The following IFNLR1 variants were observed in gnomAD, a reference collection of about 807,000 sequenced individuals.
IFNLR1 encodes interferon lambda receptor 1.
A neutral mutation model predicts 52.5 loss-of-function variants in IFNLR1; 28 were observed. That is an observed-to-expected ratio of 0.53 (90% CI 0.40 to 0.73). IFNLR1 has a LOEUF of 0.73. Ranked by LOEUF, IFNLR1 falls within the 30% of genes least tolerant of loss-of-function variation. IFNLR1 has a pLI of 0.00. For missense variants in IFNLR1, 623 were observed against 659.1 expected, an observed-to-expected ratio of 0.95 and a Z score of 0.60; for synonymous variants, 276 against 274.9, an observed-to-expected ratio of 1.00 and a Z score of -0.04.
At chr1:24,172,260 T>C (rs761797454) in intron 2 of IFNLR1, among the ~76,000 whole-genome samples, 28 of 151,994 alleles carry the variant, frequency 1.8e-4, no homozygotes, top group Non-Finnish European at 4.0e-4. Context: ...ATACTTATAA[T>C]AGAAAATAAG....
intron 1 of IFNLR1, among the ~76,000 whole-genome samples, chr1:24,182,717 C>T (rs1644703235): frequency 6.6e-6 from 1 of 151,962 alleles, no homozygotes; most frequent in African/African-American, 2.4e-5. Context: ...GTCAGGAGTT[C>T]GAGACCAGCC....
chr1:24,156,828 T>C lies in IFNLR1; in HGVS notation c.*302A>G. 2.5e-6 allele frequency: 1 copy of C among 397,284 alleles called. No individual in the cohort carries two copies. Among genetic ancestry groups the C allele is most frequent in the Middle Eastern group, 6.7e-4 (1 of 1,486 alleles). 24.6% of individuals were successfully genotyped at this position (397,284 alleles called of 1,614,324 possible). On this transcript the variant is annotated 3_prime_UTR_variant, in exon 7 of 7. Coordinates refer to ENST00000327535, the MANE Select transcript of IFNLR1 (RefSeq NM_170743.4). The stretch of plus-strand genomic sequence containing the variant: ...CCTGTTTCATGTTGTCCGGGGATAA[T>C]TTTTCCCCCTGGCCTGTCACCCTAG...
intron 4 of IFNLR1, 93 bp from the exon 5 acceptor site, chr1:24,159,726 G>GTTTTGTTTTTATTGTTT: frequency 1.3e-6 from 1 of 761,910 alleles, no homozygotes; most frequent in East Asian, 3.1e-5. Context: ...ATGGTAGGGT[G>GTTTTGTTTTTATTGTTT]TTTTTTTTTT....
chr1:24,166,402 C>T (rs1644520398), intron 3 of IFNLR1, among the ~76,000 whole-genome samples: 1 of 152,110 alleles, frequency 6.6e-6, no homozygotes, highest in Admixed American at 6.6e-5. Flanking sequence ...ACACATCCTT[C>T]CTTCTTGTCT....
intron 1 of IFNLR1, 60 bp downstream of exon 1, chr1:24,187,131 A>G (rs1353981241): frequency 2.6e-6 from 3 of 1,149,778 alleles, no homozygotes; most frequent in South Asian, 1.8e-5. Flanking sequence ...GTCCGAGGGT[A>G]GGCGCGGCCC....
At chr1:24,158,296 G>C (rs1018084722) in intron 6 of IFNLR1, among the ~76,000 whole-genome samples, 1 of 152,246 alleles carries the variant, frequency 6.6e-6, no homozygotes, top group African/African-American at 2.4e-5. Flanking sequence ...ATTGGGTGCA[G>C]GCGCTGGGAG....
chr1:24,179,284 T>G (rs967624276), intron 2 of IFNLR1, among the ~76,000 whole-genome samples: 1 of 152,114 alleles, frequency 6.6e-6, no homozygotes, highest in Non-Finnish European at 1.5e-5. Flanking sequence ...CCTTAATAAA[T>G]TTATTCCAGC....
chr1:24,170,182 G>T (rs1644565371), intron 2 of IFNLR1, among the ~76,000 whole-genome samples: 1 of 152,208 alleles, frequency 6.6e-6, no homozygotes, highest in African/African-American at 2.4e-5. Flanking sequence ...CCAGAACGGA[G>T]TCAGGTGCCA....
intron 2 of IFNLR1, among the ~76,000 whole-genome samples, chr1:24,172,751 C>T (rs1369618743): frequency 6.6e-6 from 1 of 152,124 alleles, no homozygotes; most frequent in Non-Finnish European, 1.5e-5. Context: ...CATGGTAAGA[C>T]ACCACAGGCA....
chr1:24,173,774 G>A (rs778478741), intron 2 of IFNLR1, among the ~76,000 whole-genome samples: 4 of 152,000 alleles, frequency 2.6e-5, no homozygotes, highest in Non-Finnish European at 4.4e-5. Context: ...TCAGCCTCCT[G>A]AGATGGCAGG....
At chr1:24,159,967 C>T (rs900561948) in intron 4 of IFNLR1, among the ~76,000 whole-genome samples, 5 of 152,042 alleles carry the variant, frequency 3.3e-5, no homozygotes, top group African/African-American at 7.2e-5. Context: ...AGGCTGGTCT[C>T]GAACTCCCAG....
rs1204252198 is a variant in IFNLR1 at position 24,156,267 on chromosome 1, C to G, written c.*863G>C. 1.3e-5 allele frequency: 2 copies of G among 152,222 alleles called. No individual in the cohort carries two copies. Among genetic ancestry groups the G allele is most frequent in the African/African-American group, 4.8e-5 (2 of 41,408 alleles). 9.4% of individuals were successfully genotyped at this position (152,222 alleles called of 1,614,324 possible). On this transcript the variant is annotated 3_prime_UTR_variant, in exon 7 of 7. Coordinates refer to ENST00000327535, the MANE Select transcript of IFNLR1 (RefSeq NM_170743.4). ...TGAGACAAGCTGAATGTTAAGTGCT[C>G]TCAGTCACTCTGGGTTTAGGGGCCA...
At chr1:24,163,259 T>A (rs1163265691) in intron 3 of IFNLR1, among the ~76,000 whole-genome samples, 1 of 152,104 alleles carries the variant, frequency 6.6e-6, no homozygotes, top group African/African-American at 2.4e-5. Context: ...ACTCACTTTT[T>A]AACAATCCAT....
At position 24,174,726 on chromosome 1, in the gene IFNLR1, C is replaced by T. The variant is rs185225942; in HGVS notation, c.183-5125G>A. 2.5e-3 allele frequency among the ~76,000 whole-genome samples: 381 copies of T among 152,220 alleles called. 8 individuals carry two copies. Among genetic ancestry groups the T allele is most frequent in the Non-Finnish European group, 6.9e-4 (47 of 67,998 alleles). Reference sequence around the variant, plus strand: ...CTTGGATGCTTAGCAGAAGAGATTTCTAAGCAAAGTGCTGAAGGTACAACC... The same window carrying T: ...CTTGGATGCTTAGCAGAAGAGATTTTTAAGCAAAGTGCTGAAGGTACAACC... On this transcript the variant is annotated intron_variant, in intron 2 of 6. Coordinates refer to ENST00000327535, the MANE Select transcript of IFNLR1 (RefSeq NM_170743.4).
intron 2 of IFNLR1, among the ~76,000 whole-genome samples, chr1:24,171,130 T>C (rs1644574154): frequency 6.6e-6 from 1 of 152,216 alleles, no homozygotes; most frequent in Admixed American, 6.5e-5. Flanking sequence ...TATGTGTGCC[T>C]ACTAAACAAC....
rs1356518878 is a variant in IFNLR1 at position 24,187,182 on chromosome 1, C to T, written c.58+9G>A. The T allele has an allele frequency of 4.4e-6, 6 of 1,362,206 alleles. No individual in the cohort carries two copies. The East Asian group carries it at 1.9e-4, about 42-fold the overall frequency. 84.4% of individuals were successfully genotyped at this position (1,362,206 alleles called of 1,614,324 possible). A position where few individuals can be genotyped will look rare whatever the true frequency, so the allele number is the denominator to read the frequency against. On this transcript the variant is annotated intron_variant, in intron 1 of 6. Transcript: ENST00000327535. ...CTTCCCCCTCCCTCCCGCGGCCCCG[C>T]GCCCTTACCTGGAGCGGCCTGCAGC...
intron 3 of IFNLR1, among the ~76,000 whole-genome samples, chr1:24,162,871 CTTT>C (rs1644473930): frequency 2.6e-5 from 2 of 75,474 alleles, no homozygotes; most frequent in African/African-American, 5.6e-5. Context: ...TTCTTTCTTT[CTTT>C]CTTTCCTTCC....
At chr1:24,178,421 A>G (rs1004370502) in intron 2 of IFNLR1, among the ~76,000 whole-genome samples, 6 of 152,230 alleles carry the variant, frequency 3.9e-5, no homozygotes, top group Middle Eastern at 3.2e-3. Context: ...ACCATTTCTT[A>G]CTAAATGGAG....
At chr1:24,162,736 C>CTT (rs1557643746) in intron 3 of IFNLR1, among the ~76,000 whole-genome samples, 1 of 28,872 alleles carries the variant, frequency 3.5e-5, no homozygotes, top group African/African-American at 1.2e-4. Flanking sequence ...TTCTTTCTTT[C>CTT]TTTCTTTCTT....
Sources: allele counts gnomAD v4.1 joint callset (sites outside exome capture counted in the v4.1 genomes callset), GRCh38; gene constraint gnomAD v4.1.1; transcripts MANE v1.5; gene names NCBI Gene and HGNC (gene_info 2026-07-23, HGNC 2026-07-21).